The following PPP1R9A variants were observed in gnomAD, a reference collection of about 807,000 sequenced individuals.
PPP1R9A encodes protein phosphatase 1 regulatory subunit 9A, also known as neurabin-1.
PPP1R9A carries 59 observed loss-of-function variants against 141.9 expected under a neutral mutation model. The observed-to-expected ratio is 0.42, with a 90% CI of 0.34 to 0.52. PPP1R9A has a LOEUF of 0.52. Ranked by LOEUF, PPP1R9A falls within the 20% of genes least tolerant of loss-of-function variation. The pLI is 0.10. For missense variants in PPP1R9A, 1,444 were observed against 1,611.9 expected (o/e 0.90, Z 1.78); for synonymous variants, 500 against 569.7 (o/e 0.88, Z 1.74).
chr7:95,112,407 A>G (rs559002571), intron 3 of PPP1R9A, among the ~76,000 whole-genome samples: 55 of 152,302 alleles, frequency 3.6e-4, no homozygotes, highest in African/African-American at 1.2e-3. Flanking sequence ...TAAGTCAAAA[A>G]CAGCAGATGT....
At position 95,284,309 on chromosome 7, in the gene PPP1R9A, A is replaced by T. The variant is rs1472212146; in HGVS notation, c.3588A>T (p.Val1196=). 6.6e-7 allele frequency: 1 copy of T among 1,522,274 alleles called. No homozygotes were observed. Among genetic ancestry groups the T allele is most frequent in the South Asian group, 1.2e-5 (1 of 85,732 alleles). 94.3% of individuals were successfully genotyped at this position (1,522,274 alleles called of 1,614,324 possible). ...IFGRHSQLMS[V]VWIQETNNFT... is the part of the protein sequence containing the mutation. ...GAAGGCATTCTCAACTTATGTCTGTAGTCTGGATCCAAGAAACCAATGTAA... is the reference window on the plus strand; with the variant it reads ...GAAGGCATTCTCAACTTATGTCTGTTGTCTGGATCCAAGAAACCAATGTAA... The change falls in exon 17 of 20, where the codon GTA becomes GTT. Residue 1196 remains valine, a synonymous_variant. Coordinates refer to ENST00000433360, the MANE Select transcript of PPP1R9A (RefSeq NM_001166160.2).
intron 5 of PPP1R9A, among the ~76,000 whole-genome samples, chr7:95,196,060 TACAC>T (rs890041725): frequency 4.8e-5 from 6 of 124,998 alleles, no homozygotes; most frequent in Non-Finnish European, 8.2e-5. Flanking sequence ...AAAAATAAAA[TACAC>T]ACATACGTGT....
At chr7:94,967,018 C>T (rs189117648) in intron 2 of PPP1R9A, among the ~76,000 whole-genome samples, 12 of 152,154 alleles carry the variant, frequency 7.9e-5, no homozygotes, top group African/African-American at 2.4e-4. Flanking sequence ...TTCAGGGATT[C>T]GAATTCTTCC....
intron 2 of PPP1R9A, among the ~76,000 whole-genome samples, chr7:94,987,019 T>A (rs113239000): frequency 1.3e-5 from 2 of 152,166 alleles, no homozygotes. Context: ...TTTTCTCTTA[T>A]AATTGATAAC....
intron 4 of PPP1R9A, among the ~76,000 whole-genome samples, chr7:95,160,862 T>C (rs1445963118): frequency 1.3e-5 from 2 of 152,214 alleles, no homozygotes; most frequent in Admixed American, 6.5e-5. Flanking sequence ...GATTTCATTC[T>C]TTTTTATGGC....
chr7:94,997,112 T>A (rs1802295708), intron 2 of PPP1R9A, among the ~76,000 whole-genome samples: 1 of 152,126 alleles, frequency 6.6e-6, no homozygotes, highest in South Asian at 2.1e-4. Context: ...CCAGATACTC[T>A]GTATGTTTTT....
chr7:95,121,994 A>G (rs1183740097), intron 4 of PPP1R9A, among the ~76,000 whole-genome samples: 4 of 152,212 alleles, frequency 2.6e-5, no homozygotes, highest in African/African-American at 4.8e-5. Context: ...TACGACTGCT[A>G]AATTCAAAGA....
intron 7 of PPP1R9A, chr7:95,214,146 A>G (rs1383952267): frequency 6.6e-6 from 1 of 152,144 alleles, no homozygotes; most frequent in Non-Finnish European, 1.5e-5. Context: ...ACTACCACCA[A>G]AACTTAGCAA....
At chr7:95,080,276 G>T (rs987118603) in intron 2 of PPP1R9A, among the ~76,000 whole-genome samples, 3 of 152,062 alleles carry the variant, frequency 2.0e-5, no homozygotes, top group African/African-American at 7.2e-5. Flanking sequence ...AAAATCACAA[G>T]CATTCTTATA....
intron 2 of PPP1R9A, among the ~76,000 whole-genome samples, chr7:94,977,065 T>C (rs1002447390): frequency 6.6e-6 from 1 of 151,892 alleles, no homozygotes; most frequent in Non-Finnish European, 1.5e-5. Context: ...AATCCTGTAA[T>C]TGCCTTTCCC....
chr7:95,276,302 C>T (rs1803175058), intron 16 of PPP1R9A, among the ~76,000 whole-genome samples: 1 of 152,168 alleles, frequency 6.6e-6, no homozygotes, highest in African/African-American at 2.4e-5. Flanking sequence ...TGATTCACCT[C>T]CTTGTATAAA....
At chr7:95,102,858 A>T (rs1818970625) in intron 2 of PPP1R9A, among the ~76,000 whole-genome samples, 1 of 152,008 alleles carries the variant, frequency 6.6e-6, no homozygotes, top group African/African-American at 2.4e-5. Context: ...CTTTGTGATG[A>T]CTCATTTTAT....
chr7:94,925,364 G>A (rs1793345330), intron 2 of PPP1R9A, among the ~76,000 whole-genome samples: 1 of 152,170 alleles, frequency 6.6e-6, no homozygotes. Flanking sequence ...TTAGATATCT[G>A]CGCACCATGG....
At chr7:95,067,365 G>A (rs1427037304) in intron 2 of PPP1R9A, among the ~76,000 whole-genome samples, 1 of 152,156 alleles carries the variant, frequency 6.6e-6, no homozygotes, top group African/African-American at 2.4e-5. Context: ...AAGACTCCAG[G>A]ACAGTGTCTA....
intron 4 of PPP1R9A, among the ~76,000 whole-genome samples, chr7:95,151,941 C>CTTTTTTTTTTTTTTTTTTTTTTTTTTTT (rs1167382285): frequency 1.8e-5 from 1 of 54,446 alleles, no homozygotes; most frequent in Non-Finnish European, 3.2e-5. Flanking sequence ...TACTGAGAAT[C>CTTTTTTTTTTTTTTTTTTTTTTTTTTTT]TTTTTTTTTT....
chr7:95,231,356 A>T (rs930550502), intron 8 of PPP1R9A, among the ~76,000 whole-genome samples: 1 of 152,202 alleles, frequency 6.6e-6, no homozygotes, highest in Non-Finnish European at 1.5e-5. Context: ...CAGAAAGTCA[A>T]CAAAGAAACA....
intron 2 of PPP1R9A, among the ~76,000 whole-genome samples, chr7:94,976,617 CAT>C (rs1799480486): frequency 6.6e-6 from 1 of 152,094 alleles, no homozygotes; most frequent in African/African-American, 2.4e-5. Context: ...ATTCTTAATG[CAT>C]ATTTTGTTTT....
intron 2 of PPP1R9A, among the ~76,000 whole-genome samples, chr7:95,027,219 A>AT (rs1406386542): frequency 6.6e-6 from 1 of 152,146 alleles, no homozygotes; most frequent in African/African-American, 2.4e-5. Flanking sequence ...TGGCATAGGC[A>AT]CTGGAGGGAA....
chr7:95,276,802 GA>G (rs1396233192), intron 16 of PPP1R9A, among the ~76,000 whole-genome samples: 5 of 152,096 alleles, frequency 3.3e-5, no homozygotes, highest in African/African-American at 1.2e-4. Flanking sequence ...TCTCTTGCAA[GA>G]AAAAAAATTT....
Sources: allele counts gnomAD v4.1 joint callset (sites outside exome capture counted in the v4.1 genomes callset), GRCh38; gene constraint gnomAD v4.1.1; transcripts MANE v1.5; gene names NCBI Gene and HGNC (gene_info 2026-07-23, HGNC 2026-07-21).